TIMP2: variants seen among roughly 807,000 people sequenced by gnomAD.
The protein encoded by TIMP2 is metalloproteinase inhibitor 2.
In TIMP2, 5 loss-of-function variants were observed where a neutral mutation model predicts 24.3. The observed-to-expected ratio is 0.21, with a 90% confidence interval of 0.11 to 0.43. TIMP2 has a LOEUF of 0.43. Among genes scored for constraint, TIMP2 ranks in the 20% least tolerant of loss-of-function variants. TIMP2 has a pLI of 1.00. For missense variants in TIMP2, 221 were observed against 297.5 expected (o/e 0.74, Z 1.89); for synonymous variants, 130 against 123.2 (o/e 1.06, Z -0.37).
rs576935940 is a variant in TIMP2, at chr17:78,874,723, G to A, written c.131-804C>T. Among the ~76,000 whole-genome samples the A allele has an allele frequency of 1.4e-4, 21 of 150,054 alleles. No homozygotes were observed. The South Asian group carries it at 1.7e-3, about 12-fold the overall frequency. On this transcript the variant is annotated intron_variant, in intron 1 of 4. Transcript: ENST00000262768. Reference sequence around the variant, plus strand: ...CTCTCAAGTAGCTGGGATTACAGGCGTCTGTCACCACGCCCGGTTAATTTT... The same window carrying A: ...CTCTCAAGTAGCTGGGATTACAGGCATCTGTCACCACGCCCGGTTAATTTT...
At chr17:78,877,962 T>C (rs1424968533) in intron 1 of TIMP2, among the ~76,000 whole-genome samples, 3 of 152,158 alleles carry the variant, frequency 2.0e-5, no homozygotes, top group African/African-American at 7.2e-5. Context: ...TGCCTCGGCC[T>C]CCCAACGTGC....
intron 1 of TIMP2, among the ~76,000 whole-genome samples, chr17:78,883,516 C>CTGTT (rs2069797007): frequency 6.6e-6 from 1 of 152,162 alleles, no homozygotes; most frequent in Admixed American, 6.5e-5. Flanking sequence ...GAGAAGGTAA[C>CTGTT]AGGGTGCACA....
chr17:78,919,330 C>T (rs980988878), intron 1 of TIMP2, among the ~76,000 whole-genome samples: 6 of 152,174 alleles, frequency 3.9e-5, no homozygotes, highest in Non-Finnish European at 7.3e-5. Flanking sequence ...CCTTGTGGGT[C>T]CCCCTGAATC....
intron 1 of TIMP2, among the ~76,000 whole-genome samples, chr17:78,902,462 C>A (rs139016248): frequency 6.6e-6 from 1 of 152,140 alleles, no homozygotes; most frequent in South Asian, 2.1e-4. Context: ...GGGTGGGTCA[C>A]GTTAGAATGA....
rs982671921 is a variant in TIMP2, at chr17:78,890,527, G to A, written c.131-16608C>T. The A allele has an allele frequency of 1.3e-4, 166 of 1,243,208 alleles. 2 individuals carry two copies. In the South Asian group the frequency reaches 2.5e-3, roughly 18 times the overall value. 77.0% of individuals were successfully genotyped at this position (1,243,208 alleles called of 1,614,324 possible). On this transcript the variant is annotated intron_variant, in intron 1 of 4. Coordinates refer to ENST00000262768, the MANE Select transcript of TIMP2 (RefSeq NM_003255.5). ...GGCCCCAGATTGCCCATTTTAAAGAGGCCTAATAGTCTCTGAGGCAATGAC... is the reference window on the plus strand; with the variant it reads ...GGCCCCAGATTGCCCATTTTAAAGAAGCCTAATAGTCTCTGAGGCAATGAC...
chr17:78,901,402 C>G, intron 1 of TIMP2: 1 of 256,442 alleles, frequency 3.9e-6, no homozygotes, highest in South Asian at 5.2e-5. Flanking sequence ...CAAATCTGAA[C>G]GAGGGAGAGG....
chr17:78,899,515 AG>A (rs891796489), intron 1 of TIMP2: 1 of 152,176 alleles, frequency 6.6e-6, no homozygotes, highest in African/African-American at 2.4e-5. Flanking sequence ...CCCCTGCGGG[AG>A]GGGCCCAGGA....
At chr17:78,867,557 C>T (rs923158578) in intron 3 of TIMP2, among the ~76,000 whole-genome samples, 2 of 151,822 alleles carry the variant, frequency 1.3e-5, no homozygotes, top group Admixed American at 6.6e-5. Flanking sequence ...TGTCTAGACC[C>T]TTGGACCTGT....
intron 1 of TIMP2, among the ~76,000 whole-genome samples, chr17:78,894,323 C>T (rs943005937): frequency 6.6e-6 from 1 of 151,994 alleles, no homozygotes; most frequent in Non-Finnish European, 1.5e-5. Flanking sequence ...CTTTGACCAA[C>T]CTCAGGTGGT....
chr17:78,905,239 T>C (rs1206336912), intron 1 of TIMP2, among the ~76,000 whole-genome samples: 1 of 152,148 alleles, frequency 6.6e-6, no homozygotes, highest in East Asian at 1.9e-4. Flanking sequence ...CTTACCCCAG[T>C]GGCCACCCCG....
At chr17:78,869,908 G>C (rs2145752991) in intron 3 of TIMP2, among the ~76,000 whole-genome samples, 1 of 152,350 alleles carries the variant, frequency 6.6e-6, no homozygotes, top group South Asian at 2.1e-4. Flanking sequence ...CAGACAGAGA[G>C]GACAAACACT....
intron 2 of TIMP2, among the ~76,000 whole-genome samples, chr17:78,873,453 A>C (rs1718366074): frequency 1.3e-5 from 2 of 152,088 alleles, no homozygotes; most frequent in Admixed American, 6.5e-5. Flanking sequence ...GGTGGGCGCT[A>C]CCATGCCTGG....
chr17:78,885,799 C>G (rs1211544128), intron 1 of TIMP2, among the ~76,000 whole-genome samples: 1 of 152,152 alleles, frequency 6.6e-6, no homozygotes, highest in African/African-American at 2.4e-5. Flanking sequence ...GGCTCCAACC[C>G]CGGCAGTAGG....
rs1160582442 is a variant in TIMP2, at chr17:78,925,067, G to A, written c.22C>T (p.Leu8=). The A allele has an allele frequency of 8.7e-7, 1 of 1,149,884 alleles. No homozygotes were observed. The highest frequency in any genetic ancestry group is 1.1e-6 in the Non-Finnish European group (1 of 934,670). 71.2% of individuals were successfully genotyped at this position (1,149,884 alleles called of 1,614,324 possible). A position where few individuals can be genotyped will look rare whatever the true frequency, so the allele number is the denominator to read the frequency against. ...AGCAGGAGGCCGAGCGCCAGCCGCAGGGTGCGGGCCGCGGCGCCCATGGCG... is the reference window on the plus strand; with the variant it reads ...AGCAGGAGGCCGAGCGCCAGCCGCAAGGTGCGGGCCGCGGCGCCCATGGCG... MGAAART[L]RLALGLLLLA... The change falls in exon 1 of 5, where the codon CTG becomes TTG. Residue 8 remains leucine (L), a synonymous_variant. Transcript: ENST00000262768.
chr17:78,874,116 G>A (rs1471163800), intron 1 of TIMP2, 197 bp from the exon 2 acceptor site: 16 of 533,356 alleles, frequency 3.0e-5, no homozygotes, highest in Non-Finnish European at 4.7e-5. Context: ...ATGATGCCCA[G>A]CCTCCTCCTC....
intron 1 of TIMP2, among the ~76,000 whole-genome samples, chr17:78,887,124 G>A (rs914150281): frequency 1.3e-5 from 2 of 152,184 alleles, no homozygotes; most frequent in African/African-American, 4.8e-5. Flanking sequence ...GAGTCTTGTG[G>A]GATGCTACTC....
At position 78,891,524 on chromosome 17, in the gene TIMP2, G is replaced by C. The variant is rs1015701873; in HGVS notation, c.131-17605C>G. On this transcript the variant is annotated intron_variant, in intron 1 of 4. Transcript: ENST00000262768. This position sits in a 1 kb window ranked among gnomAD's most constrained non-coding sequence, Gnocchi z 4.5. ...GTTCTTCTCCCGGAGCGTGCACTGA[G>C]ATGCTGGGGACACGGCTTCCCTTCT... 23 of 1,551,016 alleles carry C rather than the reference G, an allele frequency of 1.5e-5. No homozygotes were observed. The highest frequency in any genetic ancestry group is 1.9e-5 in the Non-Finnish European group (22 of 1,147,144).
At chr17:78,911,835 C>A in intron 1 of TIMP2, among the ~76,000 whole-genome samples, 1 of 145,624 alleles carries the variant, frequency 6.9e-6, no homozygotes. Context: ...CACTTGAGGT[C>A]AGGAGTTCAA....
At chr17:78,885,115 C>T (rs570868415) in intron 1 of TIMP2, among the ~76,000 whole-genome samples, 12 of 152,344 alleles carry the variant, frequency 7.9e-5, no homozygotes, top group African/African-American at 1.7e-4. Flanking sequence ...CCAAGCCTCA[C>T]GGACCAACAG....
Sources: gnomAD v4.1 joint callset for allele counts (sites outside exome capture counted in the v4.1 genomes callset) on GRCh38, gnomAD v4.1.1 for gene constraint, Gnocchi (gnomAD v3.1) non-coding constraint, MANE v1.5 for transcripts, NCBI Gene and HGNC (gene_info 2026-07-23, HGNC 2026-07-21) for gene names.